ANOS1: variants seen among roughly 807,000 people sequenced by gnomAD.
ANOS1 encodes anosmin-1.
Under a neutral mutation model 59.0 loss-of-function variants are expected in ANOS1, and 6 were observed. The ratio of observed to expected loss-of-function variants is 0.10; its 90% CI spans 0.06 to 0.20. The LOEUF (loss-of-function observed/expected upper bound fraction) is 0.20, where lower values mean the gene tolerates loss of function less well. Ranked by LOEUF, ANOS1 falls within the 10% of genes least tolerant of loss-of-function variation. The probability of loss-of-function intolerance (pLI) is 1.00; values close to 1 mark genes in which losing one functional copy is unlikely to be tolerated. For synonymous variants in ANOS1, 217 were observed against 223.4 expected (o/e 0.97, Z 0.25); for missense variants, 433 against 542.3 (o/e 0.80, Z 2.00).
At chrX:8,625,214 T>A (rs758267067) in intron 2 of ANOS1, among the ~76,000 whole-genome samples, 27 of 111,466 alleles carry the variant, frequency 2.4e-4, no homozygotes, top group Admixed American at 7.7e-4. Flanking sequence ...AAAAAAAAAA[T>A]GTTACATTCA....
chrX:8,686,161 T>G (rs1932519180), intron 2 of ANOS1, among the ~76,000 whole-genome samples: 1 of 112,351 alleles, frequency 8.9e-6, no homozygotes, highest in Admixed American at 9.5e-5. Context: ...TGAAAGAACT[T>G]TGGTATGAAT....
intron 13 of ANOS1, 42 bp from the exon 14 acceptor site, chrX:8,533,095 T>C (rs751046537): frequency 1.6e-5 from 13 of 805,181 alleles, no homozygotes; most frequent in Non-Finnish European, 2.3e-5. Context: ...CATTTGTATG[T>C]ATCAAATAAA....
chrX:8,710,563 C>T (rs1417055207), intron 1 of ANOS1, among the ~76,000 whole-genome samples: 1 of 111,933 alleles, frequency 8.9e-6, no homozygotes, highest in Non-Finnish European at 1.9e-5. Flanking sequence ...GCCATTCAAT[C>T]CATCTTCTTG....
At position 8,660,082 on chromosome X, in the gene ANOS1, C is replaced by T. The variant is rs1055705247; in HGVS notation, c.256-36412G>A. On this transcript the variant is annotated intron_variant, in intron 2 of 13. Coordinates refer to ENST00000262648, the MANE Select transcript of ANOS1 (RefSeq NM_000216.4). Reference sequence around the variant, plus strand: ...AAACATGAACAAGAGCAGACATCAGCTTGACACCCACTGAACACAGGGGAG... The same window carrying T: ...AAACATGAACAAGAGCAGACATCAGTTTGACACCCACTGAACACAGGGGAG... Among the ~76,000 whole-genome samples, 6 of 111,618 alleles carry T rather than the reference C, an allele frequency of 5.4e-5. No individual in the cohort carries two copies. In the East Asian group the frequency reaches 1.7e-3, roughly 31 times the overall value.
chrX:8,637,289 T>A (rs1453909505), intron 2 of ANOS1, among the ~76,000 whole-genome samples: 1 of 112,065 alleles, frequency 8.9e-6, no homozygotes, highest in Non-Finnish European at 1.9e-5. Context: ...TTTTCCCTTG[T>A]TATCCCCTTG....
chrX:8,627,820 A>G (rs1931421339), intron 2 of ANOS1, among the ~76,000 whole-genome samples: 1 of 110,232 alleles, frequency 9.1e-6, no homozygotes, highest in Non-Finnish European at 1.9e-5. Context: ...AGAACAAAAA[A>G]CTTCCTATTT....
chrX:8,640,669 A>C (rs1931648710), intron 2 of ANOS1, among the ~76,000 whole-genome samples: 1 of 110,646 alleles, frequency 9.0e-6, no homozygotes, highest in African/African-American at 3.3e-5. Flanking sequence ...TAGAATTTTA[A>C]AATTAATTCT....
intron 1 of ANOS1, among the ~76,000 whole-genome samples, chrX:8,703,084 T>A (rs901794774): frequency 3.6e-5 from 4 of 112,405 alleles, no homozygotes; most frequent in Non-Finnish European, 7.5e-5. Context: ...GCTGGATTCC[T>A]CTTTGGAGTT....
rs767069105 is a variant in ANOS1, at chrX:8,679,595, AT to A, written c.255+20102del. 7.2e-5 allele frequency among the ~76,000 whole-genome samples: 8 copies of A among 110,534 alleles called. No homozygotes were observed. In the Admixed American group the frequency reaches 7.7e-4, roughly 11 times the overall value. ...GCAAAAAGGTTATTTCTACAGTCAA[AT>A]TCATAAAAACCGAAAGTAGACTGGT... On this transcript the variant is annotated intron_variant, in intron 2 of 13. Transcript: ENST00000262648.
chrX:8,576,184 C>A (rs2146810934), intron 6 of ANOS1, among the ~76,000 whole-genome samples: 1 of 110,727 alleles, frequency 9.0e-6, no homozygotes, highest in East Asian at 2.8e-4. Flanking sequence ...CCGTGATTCT[C>A]CTCTGTAAAC....
intron 9 of ANOS1, among the ~76,000 whole-genome samples, chrX:8,548,192 C>T (rs1929801411): frequency 9.0e-6 from 1 of 111,616 alleles, no homozygotes; most frequent in South Asian, 3.7e-4. Flanking sequence ...TCTATATTTC[C>T]TTTGTCACTT....
intron 13 of ANOS1, among the ~76,000 whole-genome samples, chrX:8,533,569 G>C (rs1308201528): frequency 8.9e-6 from 1 of 111,785 alleles, no homozygotes; most frequent in Non-Finnish European, 1.9e-5. Flanking sequence ...TCAATGTTTT[G>C]TCCACACACT....
intron 8 of ANOS1, among the ~76,000 whole-genome samples, chrX:8,567,942 G>A (rs1415447410): frequency 1.8e-5 from 2 of 112,440 alleles, no homozygotes; most frequent in Non-Finnish European, 3.8e-5. Flanking sequence ...TGCACGTCAT[G>A]TAAACATAAA....
At chrX:8,729,109 T>G (rs945956552) in intron 1 of ANOS1, among the ~76,000 whole-genome samples, 5 of 111,785 alleles carry the variant, frequency 4.5e-5, no homozygotes, top group African/African-American at 1.3e-4. Flanking sequence ...AGTGCATAGG[T>G]TGCGCTCTCC....
At chrX:8,571,045 A>G (rs753932562) in intron 6 of ANOS1, among the ~76,000 whole-genome samples, 16 of 106,909 alleles carry the variant, frequency 1.5e-4, no homozygotes, top group Non-Finnish European at 2.7e-4. Context: ...CGGGAGGTCA[A>G]GGCTGCAGTG....
intron 4 of ANOS1, among the ~76,000 whole-genome samples, chrX:8,594,658 G>GTGTATATATATA (rs1555895592): frequency 3.0e-5 from 1 of 33,576 alleles, no homozygotes; most frequent in Non-Finnish European, 4.8e-5. Context: ...ATATATATGT[G>GTGTATATATATA]TATATATATA....
intron 4 of ANOS1, among the ~76,000 whole-genome samples, chrX:8,593,710 G>A (rs772328572): frequency 1.8e-5 from 2 of 111,775 alleles, no homozygotes; most frequent in African/African-American, 3.3e-5. Context: ...GTCTCACTCT[G>A]TTGCCCAGAC....
At chrX:8,684,112 A>G (rs1351378411) in intron 2 of ANOS1, among the ~76,000 whole-genome samples, 3 of 111,976 alleles carry the variant, frequency 2.7e-5, no homozygotes, top group Non-Finnish European at 5.6e-5. Flanking sequence ...CTGCCTCAAA[A>G]CAAACTAGGG....
intron 1 of ANOS1, among the ~76,000 whole-genome samples, chrX:8,710,492 A>G (rs992704731): frequency 8.9e-6 from 1 of 112,010 alleles, no homozygotes; most frequent in Non-Finnish European, 1.9e-5. Flanking sequence ...AATGTTTGTA[A>G]ATGGTAGCAT....
Sources: gnomAD v4.1 joint callset for allele counts (sites outside exome capture counted in the v4.1 genomes callset) on GRCh38, gnomAD v4.1.1 for gene constraint, MANE v1.5 for transcripts, NCBI Gene and HGNC (gene_info 2026-07-23, HGNC 2026-07-21) for gene names.